The following TF variants were observed in gnomAD, a reference collection of about 807,000 sequenced individuals.
TF encodes transferrin, also known as serotransferrin.
Under a neutral mutation model 82.4 loss-of-function variants are expected in TF, and 55 were observed. That is an observed-to-expected ratio of 0.67 (90% CI 0.54 to 0.84). The LOEUF (loss-of-function observed/expected upper bound fraction) is 0.84, where lower values mean the gene tolerates loss of function less well. Among genes scored for constraint, TF ranks in the 40% least tolerant of loss-of-function variants. The pLI, the probability that TF is intolerant of heterozygous loss-of-function variation, is 0.00. For missense variants in TF, 737 were observed against 868.4 expected (o/e 0.85, Z 1.90); for synonymous variants, 332 against 332.6 (o/e 1.00, Z 0.02).
At position 133,766,359 on chromosome 3, in the gene TF, C is replaced by T. The variant is rs147780972; in HGVS notation, c.1412C>T (p.Thr471Met). The T allele has an allele frequency of 1.9e-5, 30 of 1,614,058 alleles. No homozygotes were observed. The highest frequency in any genetic ancestry group is 1.6e-4 in the Middle Eastern group (1 of 6,084). ...DNLKGKKSCH[T>M]AVGRTAGWNI... ...CTGAAAGGCAAGAAGTCCTGCCATA[C>T]GGCAGTTGGCAGAACCGCTGGCTGG... The change falls in exon 12 of 17, where the codon ACG (threonine) becomes ATG (methionine). Residue 471 changes from threonine to methionine, a missense_variant. Coordinates refer to ENST00000402696, the MANE Select transcript of TF (RefSeq NM_001063.4).
At position 133,768,047 on chromosome 3, in the gene TF, G is replaced by A; in HGVS notation, c.1505G>A (p.Gly502Asp). ...HCRFDEFFSE[G>D]CAPGSKKDSS... is the part of the protein sequence containing the mutation. ...TGCACAGATGAATTTTTCAGTGAAG[G>A]TTGTGCCCCTGGGTCTAAGAAAGAC... Residue 502 changes from glycine to aspartate, a missense_variant, in exon 13 of 17, where the codon GGT becomes GAT. Physicochemically the swap from Gly to Asp is moderately conservative, Grantham distance 94. Transcript: ENST00000402696. The A allele has an allele frequency of 6.2e-7, 1 of 1,614,134 alleles. No individual in the cohort carries two copies. The highest frequency in any genetic ancestry group is 8.5e-7 in the Non-Finnish European group (1 of 1,180,010).
intron 14 of TF, among the ~76,000 whole-genome samples, chr3:133,771,388 A>C (rs990562006): frequency 6.6e-6 from 1 of 152,252 alleles, no homozygotes; most frequent in African/African-American, 2.4e-5. Flanking sequence ...GGAATGATAG[A>C]GTTAGAAAAC....
the TF span, among the ~76,000 whole-genome samples, chr3:133,725,476 A>G: frequency 6.6e-6 from 1 of 152,096 alleles, no homozygotes; most frequent in Non-Finnish European, 1.5e-5. Flanking sequence ...TTGGTGTATA[A>G]GAATGCTTGT....
At chr3:133,696,385 A>AT in the TF span, among the ~76,000 whole-genome samples, 122,499 of 152,076 alleles carry the variant, frequency 0.81, 49,660 homozygotes, top group African/African-American at 0.86. Context: ...ATAAGTATGT[A>AT]GTATAGAAAA....
chr3:133,755,354 G>T lies in TF; in HGVS notation c.503-9G>T. 1 of 1,614,198 alleles carries T rather than the reference G, an allele frequency of 6.2e-7. No homozygotes were observed. Among genetic ancestry groups the T allele is most frequent in the Non-Finnish European group, 8.5e-7 (1 of 1,180,052 alleles). Reference sequence around the variant, plus strand: ...CATGCTCTGTTGTCCATTTCTCTGTGCTGAGCAGCAGTGGCCAATTTCTTC... The same window carrying T: ...CATGCTCTGTTGTCCATTTCTCTGTTCTGAGCAGCAGTGGCCAATTTCTTC... On this transcript the variant is annotated splice_polypyrimidine_tract_variant and intron_variant, in intron 4 of 16. Coordinates refer to ENST00000402696, the MANE Select transcript of TF (RefSeq NM_001063.4).
At chr3:133,750,813 G>A (rs1933642030) in intron 2 of TF, among the ~76,000 whole-genome samples, 2 of 152,060 alleles carry the variant, frequency 1.3e-5, no homozygotes, top group South Asian at 4.2e-4. Context: ...TTAAGTTCTA[G>A]GGTACAAGTG....
At chr3:133,727,343 A>C in the TF span, among the ~76,000 whole-genome samples, 1 of 150,140 alleles carries the variant, frequency 6.7e-6, no homozygotes, top group Non-Finnish European at 1.5e-5. Flanking sequence ...GTGCTCCTGT[A>C]TTGGGTGCAT....
the TF span, among the ~76,000 whole-genome samples, chr3:133,703,717 A>AG: frequency 6.6e-6 from 1 of 152,230 alleles, no homozygotes; most frequent in Non-Finnish European, 1.5e-5. Flanking sequence ...ACTCTATTAG[A>AG]AAAATTAATT....
the TF span, among the ~76,000 whole-genome samples, chr3:133,692,506 C>A: frequency 1.3e-5 from 2 of 152,202 alleles, no homozygotes; most frequent in Admixed American, 1.3e-4. Context: ...GCGCTCCACT[C>A]AGTAGGCCCT....
In TF at chr3:133,754,691, G is replaced by T; in HGVS notation, c.502+20G>T. The T allele has an allele frequency of 6.2e-7, 1 of 1,613,874 alleles. No homozygotes were observed. Among genetic ancestry groups the T allele is most frequent in the Non-Finnish European group, 8.5e-7 (1 of 1,179,924 alleles). On this transcript the variant is annotated intron_variant, in intron 4 of 16. Coordinates refer to ENST00000402696, the MANE Select transcript of TF (RefSeq NM_001063.4). ...AGAAAGGTAAGCTGGCAGGAGTCTG[G>T]GTGCCCTCGAGCAGCTGCCTCTGCT...
the TF span, among the ~76,000 whole-genome samples, chr3:133,676,513 T>C: frequency 6.6e-6 from 1 of 152,090 alleles, no homozygotes; most frequent in African/African-American, 2.4e-5. Flanking sequence ...CCTGGTTCTG[T>C]CACGTCTGAG....
At chr3:133,709,118 T>C in the TF span, among the ~76,000 whole-genome samples, 6 of 152,182 alleles carry the variant, frequency 3.9e-5, no homozygotes, top group East Asian at 1.2e-3. Context: ...GCATTTGCTG[T>C]AATAGCTTCT....
chr3:133,682,099 T>A, the TF span, among the ~76,000 whole-genome samples: 1 of 152,092 alleles, frequency 6.6e-6, no homozygotes. Context: ...GGGTCTGGAG[T>A]GGACCTCCAG....
the TF span, among the ~76,000 whole-genome samples, chr3:133,734,269 C>T: frequency 6.6e-6 from 1 of 152,174 alleles, no homozygotes; most frequent in Admixed American, 6.5e-5. Context: ...AATTTGCTTT[C>T]TAAATACCGT....
intron 10 of TF, 95 bp downstream of exon 10, chr3:133,764,370 CA>C (rs1375150469): frequency 9.3e-7 from 1 of 1,077,160 alleles, no homozygotes; most frequent in East Asian, 2.4e-5. Context: ...CCACAGCTGC[CA>C]TAAAGCTTTC....
chr3:133,753,550 C>T, intron 2 of TF, 45 bp from the exon 3 acceptor site: 1 of 1,574,356 alleles, frequency 6.4e-7, no homozygotes, highest in Non-Finnish European at 8.7e-7. Flanking sequence ...GTGGGCCTTC[C>T]TTGGAAGTCA....
the TF span, among the ~76,000 whole-genome samples, chr3:133,713,006 TTTAGGGCACC>T: frequency 2.6e-5 from 4 of 152,154 alleles, no homozygotes; most frequent in Admixed American, 6.5e-5. Flanking sequence ...ACCCAGATGA[TTTAGGGCACC>T]TTAGGGCACC....
chr3:133,674,912 T>A, the TF span, among the ~76,000 whole-genome samples: 1 of 152,152 alleles, frequency 6.6e-6, no homozygotes, highest in Admixed American at 6.5e-5. Context: ...TGATGTTGTA[T>A]ACACCCAGAT....
intron 14 of TF, among the ~76,000 whole-genome samples, chr3:133,772,501 G>T (rs573508105): frequency 6.6e-6 from 1 of 152,202 alleles, no homozygotes; most frequent in Admixed American, 6.5e-5. Flanking sequence ...CATTGCAATT[G>T]TATTTTTTTA....
Sources: allele counts gnomAD v4.1 joint callset (sites outside exome capture counted in the v4.1 genomes callset), GRCh38; gene constraint gnomAD v4.1.1; transcripts MANE v1.5; gene names NCBI Gene and HGNC (gene_info 2026-07-23, HGNC 2026-07-21).